MYO16: variants seen among roughly 807,000 people sequenced by gnomAD.
MYO16 encodes myosin XVI.
A neutral mutation model predicts 205.3 loss-of-function variants in MYO16; 94 were observed. The ratio of observed to expected loss-of-function variants is 0.46; its 90% CI spans 0.39 to 0.54. MYO16 has a LOEUF of 0.54. Ranked by LOEUF, MYO16 falls within the 20% of genes least tolerant of loss-of-function variation. MYO16 has a pLI of 0.00. For missense variants in MYO16, 2,315 were observed against 2,387.5 expected, an observed-to-expected ratio of 0.97 and a Z score of 0.63; for synonymous variants, 988 against 954.0, an observed-to-expected ratio of 1.04 and a Z score of -0.66.
intron 3 of MYO16, among the ~76,000 whole-genome samples, chr13:108,713,062 T>A (rs2139550539): frequency 6.6e-6 from 1 of 152,346 alleles, no homozygotes; most frequent in Non-Finnish European, 1.5e-5. Context: ...AATGAAATTT[T>A]ACTATACTTT....
At chr13:108,897,936 T>C in intron 14 of MYO16, 80 bp from the exon 15 acceptor site, 1 of 1,095,038 alleles carries the variant, frequency 9.1e-7, no homozygotes, top group East Asian at 2.4e-5. Context: ...GAAGTATTAT[T>C]CACTGCATCG....
At position 108,702,534 on chromosome 13, in the gene MYO16, A is replaced by G. The variant is rs552524844; in HGVS notation, c.293-10127A>G. Among the ~76,000 whole-genome samples, 3 of 152,304 alleles carry G rather than the reference A, an allele frequency of 2.0e-5. No homozygotes were observed. The South Asian group carries it at 6.2e-4, about 32-fold the overall frequency. ...TTTTTTACTAACAGGTCTGCCCTTC[A>G]TGAAATAGCAAAGGGAAACTTTCAG... On this transcript the variant is annotated intron_variant, in intron 2 of 34. Coordinates refer to ENST00000457511, the MANE Select transcript of MYO16 (RefSeq NM_001198950.3).
chr13:109,009,287 CTG>C (rs1367686553), intron 22 of MYO16, among the ~76,000 whole-genome samples: 9 of 152,308 alleles, frequency 5.9e-5, no homozygotes, highest in African/African-American at 2.2e-4. Context: ...ATATTCAACA[CTG>C]TTTATTCAAC....
At chr13:109,153,882 G>C (rs1877828901) in intron 32 of MYO16, among the ~76,000 whole-genome samples, 3 of 152,216 alleles carry the variant, frequency 2.0e-5, no homozygotes, top group Admixed American at 1.3e-4. Flanking sequence ...GGTCCCTGGT[G>C]AAGTGTGAAT....
At chr13:109,092,841 A>G (rs1888663724) in intron 27 of MYO16, among the ~76,000 whole-genome samples, 1 of 152,198 alleles carries the variant, frequency 6.6e-6, no homozygotes, top group African/African-American at 2.4e-5. Context: ...GGAAGGAACA[A>G]TCACTTTTGA....
At chr13:109,119,543 G>A (rs1380385192) in intron 28 of MYO16, among the ~76,000 whole-genome samples, 3 of 151,972 alleles carry the variant, frequency 2.0e-5, no homozygotes, top group Non-Finnish European at 2.9e-5. Context: ...CACCTACCTC[G>A]GTTCTGTGAA....
At chr13:108,706,865 A>G (rs1883529270) in intron 2 of MYO16, among the ~76,000 whole-genome samples, 1 of 152,168 alleles carries the variant, frequency 6.6e-6, no homozygotes, top group African/African-American at 2.4e-5. Flanking sequence ...ATGAATTTTA[A>G]CTGGTTGAAG....
the MYO16 span, among the ~76,000 whole-genome samples, chr13:108,581,401 A>G: frequency 6.6e-6 from 1 of 152,126 alleles, no homozygotes; most frequent in East Asian, 1.9e-4. Context: ...TCCAAACTCT[A>G]TTACTGTCTA....
At chr13:108,959,703 G>C (rs73616452) in intron 17 of MYO16, among the ~76,000 whole-genome samples, 2 of 152,122 alleles carry the variant, frequency 1.3e-5, no homozygotes, top group Non-Finnish European at 1.5e-5. Context: ...AGATCTGTTC[G>C]TAACAGTGCC....
At chr13:109,203,013 G>T (rs1446668845) in intron 34 of MYO16, among the ~76,000 whole-genome samples, 4 of 152,158 alleles carry the variant, frequency 2.6e-5, no homozygotes, top group Non-Finnish European at 4.4e-5. Context: ...AATGAAACTG[G>T]ATCCTCACCT....
chr13:108,627,720 ATTTTCT>A (rs1250835892), upstream of MYO16, among the ~76,000 whole-genome samples: 1 of 152,116 alleles, frequency 6.6e-6, no homozygotes, highest in African/African-American at 2.4e-5. Flanking sequence ...TTAATAACAT[ATTTTCT>A]TTGTCAAGTG....
Position 109,140,739 on chromosome 13 carries a change from G to C in MYO16, c.4527G>C (p.Pro1509=), listed in dbSNP as rs1282083679. Residue 1509 remains proline, a synonymous_variant, in exon 32 of 35, where the codon CCG becomes CCC. Transcript: ENST00000457511. This position sits in a 1 kb window ranked among gnomAD's most constrained non-coding sequence, Gnocchi z 8.0. ...DIPPPFPNLL[P]HRPPLLVFPP... ...CGCCGCCCTTCCCCAACCTGCTGCCGCACCGGCCGCCCCTGCTGGTGTTCC... is the reference window on the plus strand; with the variant it reads ...CGCCGCCCTTCCCCAACCTGCTGCCCCACCGGCCGCCCCTGCTGGTGTTCC... 7.2e-6 allele frequency: 11 copies of C among 1,520,202 alleles called. No individual in the cohort carries two copies. The highest frequency in any genetic ancestry group is 8.8e-6 in the Non-Finnish European group (10 of 1,135,162). The allele number at this position is 1,520,202 out of a possible 1,614,324, so 94.2% of individuals were successfully genotyped here.
chr13:109,096,463 C>T (rs1365921954), intron 27 of MYO16, among the ~76,000 whole-genome samples: 1 of 152,186 alleles, frequency 6.6e-6, no homozygotes, highest in Non-Finnish European at 1.5e-5. Flanking sequence ...CGGGGGGACA[C>T]AGTTCAGCCC....
the MYO16 span, among the ~76,000 whole-genome samples, chr13:108,590,549 T>G: frequency 3.3e-5 from 5 of 152,176 alleles, no homozygotes; most frequent in African/African-American, 1.2e-4. Context: ...GAAACAGGGC[T>G]TTGCAGATGT....
intron 20 of MYO16, among the ~76,000 whole-genome samples, chr13:108,976,218 A>G (rs954818191): frequency 2.0e-5 from 3 of 152,176 alleles, no homozygotes; most frequent in African/African-American, 7.2e-5. Flanking sequence ...TTCCCAGGAA[A>G]ATATCTGACC....
At chr13:109,154,911 GAAAAAAAAAAAA>G (rs59465499) in intron 32 of MYO16, among the ~76,000 whole-genome samples, 4 of 62,666 alleles carry the variant, frequency 6.4e-5, no homozygotes, top group South Asian at 7.6e-4. Flanking sequence ...GGCTAATTAT[GAAAAAAAAAAAA>G]AAAAAAAAAA....
chr13:108,584,567 A>C, the MYO16 span, among the ~76,000 whole-genome samples: 2 of 152,162 alleles, frequency 1.3e-5, no homozygotes, highest in Admixed American at 1.3e-4. Context: ...ACCAGAACTC[A>C]TTCCCTCCAT....
chr13:109,165,889 G>C (rs926693170), intron 33 of MYO16, among the ~76,000 whole-genome samples: 5 of 147,382 alleles, frequency 3.4e-5, no homozygotes, highest in Admixed American at 6.7e-5. Flanking sequence ...GGGCCTTCAA[G>C]TGTTCTTCCC....
chr13:109,128,116 T>C (rs1039231019), intron 31 of MYO16, among the ~76,000 whole-genome samples: 1 of 152,256 alleles, frequency 6.6e-6, no homozygotes, highest in Non-Finnish European at 1.5e-5. Flanking sequence ...AGACAATTAC[T>C]GTTTAAATAT....
Sources: gnomAD v4.1 joint callset for allele counts (sites outside exome capture counted in the v4.1 genomes callset) on GRCh38, gnomAD v4.1.1 for gene constraint, Gnocchi (gnomAD v3.1) non-coding constraint, MANE v1.5 for transcripts, NCBI Gene and HGNC (gene_info 2026-07-23, HGNC 2026-07-21) for gene names.